Variants in CARD8 observed in about 807,000 individuals in gnomAD.
The protein encoded by CARD8 is caspase recruitment domain family member 8, also known as caspase recruitment domain-containing protein 8.
In CARD8, 38 loss-of-function variants were observed where a neutral mutation model predicts 53.2. That is an observed-to-expected ratio of 0.71 (90% CI 0.55 to 0.94). The LOEUF (loss-of-function observed/expected upper bound fraction) is 0.94. Among genes scored for constraint, CARD8 ranks in the 40% least tolerant of loss-of-function variants. The pLI is 0.00. For missense variants in CARD8, 561 were observed against 655.5 expected, an observed-to-expected ratio of 0.86 and a Z score of 1.57; for synonymous variants, 245 against 244.9, an observed-to-expected ratio of 1.00 and a Z score of 0.00.
At chr19:48,213,430 G>A (rs532017576) in intron 13 of CARD8, among the ~76,000 whole-genome samples, 7 of 152,018 alleles carry the variant, frequency 4.6e-5, no homozygotes, top group East Asian at 3.9e-4. Context: ...GCTGGAGTGC[G>A]ATGGCACGAT....
chr19:48,232,788 G>C (rs1434205881), intron 6 of CARD8: 3 of 574,294 alleles, frequency 5.2e-6, no homozygotes, highest in African/African-American at 1.8e-5. Flanking sequence ...GGCGGATCTA[G>C]ACTATCAAGA....
At chr19:48,241,122 T>C in intron 3 of CARD8, 59 bp from the exon 4 acceptor site, 1 of 927,316 alleles carries the variant, frequency 1.1e-6, no homozygotes, top group Admixed American at 2.2e-5. Context: ...AGATAAATCT[T>C]AGCTTCTGTG....
chr19:48,255,385 T>C (rs774198456), intron 1 of CARD8, among the ~76,000 whole-genome samples: 2 of 152,110 alleles, frequency 1.3e-5, no homozygotes. Context: ...AAAAATTGTT[T>C]CCCTTAGGAA....
chr19:48,246,135 T>G (rs927410264), intron 3 of CARD8, among the ~76,000 whole-genome samples: 1 of 152,196 alleles, frequency 6.6e-6, no homozygotes, highest in Non-Finnish European at 1.5e-5. Context: ...CCTTGTCTTT[T>G]GTGATTGTGA....
chr19:48,233,349 T>G, intron 6 of CARD8: 1 of 456,234 alleles, frequency 2.2e-6, no homozygotes, highest in South Asian at 1.5e-5. Flanking sequence ...TATTTCGACG[T>G]GAAAGAGACC....
chr19:48,204,751 A>G (rs529071569), downstream of CARD8, among the ~76,000 whole-genome samples: 245 of 152,270 alleles, frequency 1.6e-3, 1 homozygote, highest in African/African-American at 5.7e-3. Flanking sequence ...TGTAAAGAGA[A>G]GCTGGAAGTT....
intron 10 of CARD8, chr19:48,223,960 C>T (rs1440588242): frequency 2.2e-6 from 1 of 447,540 alleles, no homozygotes; most frequent in Non-Finnish European, 4.5e-6. Context: ...TACTGCAACC[C>T]CCAAATGCAA....
chr19:48,236,769 T>C (rs1444598520), intron 5 of CARD8, among the ~76,000 whole-genome samples: 2 of 152,098 alleles, frequency 1.3e-5, no homozygotes, highest in African/African-American at 2.4e-5. Context: ...TGGGTCATTC[T>C]GGTTTTTTTG....
intron 7 of CARD8, chr19:48,232,046 G>C: frequency 1.6e-6 from 1 of 608,912 alleles, no homozygotes; most frequent in South Asian, 1.7e-5. Flanking sequence ...TGGGAAGCCA[G>C]GCTGGACAGC....
downstream of CARD8, chr19:48,203,529 G>C (rs2037239016): frequency 6.5e-6 from 1 of 153,090 alleles, no homozygotes; most frequent in Middle Eastern, 3.4e-3. Context: ...GTGTACCAGT[G>C]TTCTAACATC....
chr19:48,221,939 T>C (rs2040728687), intron 10 of CARD8, 84 bp from the exon 11 acceptor site: 1 of 1,150,210 alleles, frequency 8.7e-7, no homozygotes, highest in Non-Finnish European at 1.2e-6. Context: ...ATATGGTATA[T>C]TAAGTAGCAC....
chr19:48,241,523 C>A (rs1230696376), intron 3 of CARD8, among the ~76,000 whole-genome samples: 1 of 152,098 alleles, frequency 6.6e-6, no homozygotes, highest in African/African-American at 2.4e-5. Context: ...CCCAAAGTGC[C>A]GGATTGCAGG....
chr19:48,253,076 T>G (rs2047141513), intron 1 of CARD8, among the ~76,000 whole-genome samples: 1 of 152,110 alleles, frequency 6.6e-6, no homozygotes, highest in Non-Finnish European at 1.5e-5. Flanking sequence ...TCTAAACAGA[T>G]AAAACATAAT....
chr19:48,228,230 GTTGTGTAATTATTTCATCATATA>G (rs1225770169), intron 10 of CARD8, among the ~76,000 whole-genome samples: 2 of 152,222 alleles, frequency 1.3e-5, no homozygotes, highest in Non-Finnish European at 1.5e-5. Flanking sequence ...ATTATGGTGA[GTTGTGTAATTATTTCATCATATA>G]TTACAATGTA....
chr19:48,249,945 A>T (rs942413844), intron 1 of CARD8, 98 bp from the exon 2 acceptor site: 3 of 152,248 alleles, frequency 2.0e-5, no homozygotes, highest in Non-Finnish European at 2.9e-5. Context: ...GAAGCTTTGC[A>T]TCCTGTTAGT....
rs575381296 is a variant in CARD8 at position 48,221,014 on chromosome 19, A to G, written c.1161+716T>C. On this transcript the variant is annotated intron_variant, in intron 11 of 13. Transcript: ENST00000651546. ...GGAAGGAAAGAAAGAAAGAAAAAGA[A>G]AGAAAGAAAGAGAGAAAGAGGGAAA... is the stretch of plus-strand genomic sequence containing the variant. Among the ~76,000 whole-genome samples the G allele has an allele frequency of 2.6e-3, 352 of 136,682 alleles. 4 individuals carry two copies. The highest frequency in any genetic ancestry group is 8.6e-3 in the African/African-American group (284 of 33,026). 89.7% of individuals were successfully genotyped at this position (136,682 alleles called of 152,430 possible). A position where few individuals can be genotyped will look rare whatever the true frequency, so the allele number is the denominator to read the frequency against.
downstream of CARD8, chr19:48,203,392 C>T (rs1025686987): frequency 5.3e-5 from 8 of 152,342 alleles, no homozygotes; most frequent in African/African-American, 1.9e-4. Flanking sequence ...AGTATGAAGC[C>T]AGACTGCCTG....
chr19:48,210,362 G>A lies in CARD8; in HGVS notation c.*1348C>T, dbSNP rs573264237. ...AACTAAAAAACGTCTATCAGAGGAA[G>A]TGGAAATTTGCAGAACGAAATTTGG... On this transcript the variant is annotated 3_prime_UTR_variant, in exon 14 of 14. Coordinates refer to ENST00000651546, the MANE Select transcript of CARD8 (RefSeq NM_001184900.3). The A allele has an allele frequency of 6.6e-6, 1 of 152,278 alleles. No homozygotes were observed. Among genetic ancestry groups the A allele is most frequent in the Non-Finnish European group, 1.5e-5 (1 of 68,002 alleles). 9.4% of individuals were successfully genotyped at this position (152,278 alleles called of 1,614,324 possible). A position where few individuals can be genotyped will look rare whatever the true frequency, so the allele number is the denominator to read the frequency against.
downstream of CARD8, among the ~76,000 whole-genome samples, chr19:48,207,676 ATCT>A (rs1017991212): frequency 3.3e-5 from 5 of 149,312 alleles, no homozygotes; most frequent in South Asian, 2.1e-4. Context: ...TGATATTTAC[ATCT>A]TCTTCTTAGT....
Sources: allele counts gnomAD v4.1 joint callset (sites outside exome capture counted in the v4.1 genomes callset), GRCh38; gene constraint gnomAD v4.1.1; transcripts MANE v1.5; gene names NCBI Gene and HGNC (gene_info 2026-07-23, HGNC 2026-07-21).